Variants in OPCML observed in about 807,000 individuals in gnomAD.
The protein encoded by OPCML is opioid-binding protein/cell adhesion molecule.
In OPCML, 13 loss-of-function variants were observed where a neutral mutation model predicts 37.8. The ratio of observed to expected loss-of-function variants is 0.34; its 90% CI spans 0.22 to 0.55. The LOEUF is 0.55. OPCML is among the 20% of genes least tolerant of loss of function. The pLI is 0.91. For missense variants in OPCML, 341 were observed against 435.6 expected (o/e 0.78, Z 1.93); for synonymous variants, 176 against 168.8 (o/e 1.04, Z -0.33).
At chr11:132,999,133 C>T (rs905912243) in intron 1 of OPCML, among the ~76,000 whole-genome samples, 1 of 152,138 alleles carries the variant, frequency 6.6e-6, no homozygotes, top group African/African-American at 2.4e-5. Flanking sequence ...AGTTCCTGCT[C>T]CCAGCAGTCC....
chr11:133,249,866 T>C (rs1284391390), intron 1 of OPCML, among the ~76,000 whole-genome samples: 2 of 152,170 alleles, frequency 1.3e-5, no homozygotes, highest in African/African-American at 4.8e-5. Context: ...TGAGCACATC[T>C]TGTCAGAAGC....
At chr11:133,524,012 G>T (rs193300936) in intron 1 of OPCML, among the ~76,000 whole-genome samples, 90 of 152,278 alleles carry the variant, frequency 5.9e-4, no homozygotes, top group Non-Finnish European at 8.2e-4. Context: ...TTTGTTTGAC[G>T]CATGTCTGTC....
chr11:132,930,809 T>C (rs1945173861), intron 2 of OPCML, among the ~76,000 whole-genome samples: 2 of 152,062 alleles, frequency 1.3e-5, no homozygotes, highest in Admixed American at 1.3e-4. Flanking sequence ...AATAGAAAAA[T>C]CAATCCTAAA....
At chr11:133,392,940 T>C (rs1266135731) in intron 1 of OPCML, among the ~76,000 whole-genome samples, 1 of 152,134 alleles carries the variant, frequency 6.6e-6, no homozygotes, top group African/African-American at 2.4e-5. Context: ...ATTTGAGTCA[T>C]CCCAATCTCA....
chr11:132,484,890 G>T (rs1156299300), intron 4 of OPCML, among the ~76,000 whole-genome samples: 1 of 152,178 alleles, frequency 6.6e-6, no homozygotes, highest in East Asian at 1.9e-4. Context: ...GACACAGGAA[G>T]GGGAACATCA....
chr11:132,743,724 G>C (rs1945514227), intron 2 of OPCML, among the ~76,000 whole-genome samples: 1 of 152,148 alleles, frequency 6.6e-6, no homozygotes, highest in Admixed American at 6.5e-5. Context: ...CCTCAGAACA[G>C]GGGGATGTCT....
At chr11:132,672,850 T>C (rs1236547341) in intron 2 of OPCML, among the ~76,000 whole-genome samples, 1 of 152,156 alleles carries the variant, frequency 6.6e-6, no homozygotes, top group Non-Finnish European at 1.5e-5. Context: ...CATTTGTCCA[T>C]GCTTAGGGGC....
intron 1 of OPCML, among the ~76,000 whole-genome samples, chr11:133,022,782 CAA>C (rs1281537910): frequency 8.5e-5 from 13 of 152,234 alleles, no homozygotes; most frequent in African/African-American, 2.6e-4. Flanking sequence ...CGATAAGTGG[CAA>C]AGAGACCTAA....
intron 4 of OPCML, among the ~76,000 whole-genome samples, chr11:132,449,929 G>A (rs1416937226): frequency 6.6e-6 from 1 of 152,180 alleles, no homozygotes; most frequent in Non-Finnish European, 1.5e-5. Flanking sequence ...TCCTTGGACA[G>A]CACTCGACAT....
chr11:132,910,739 A>C (rs1944401592), intron 2 of OPCML, among the ~76,000 whole-genome samples: 1 of 152,238 alleles, frequency 6.6e-6, no homozygotes, highest in South Asian at 2.1e-4. Context: ...CACATAGAAG[A>C]TAAAGCTCAT....
intron 1 of OPCML, among the ~76,000 whole-genome samples, chr11:133,176,312 G>A (rs1950372158): frequency 6.6e-6 from 1 of 150,880 alleles, no homozygotes; most frequent in Non-Finnish European, 1.5e-5. Context: ...CAGGAAAAGA[G>A]AGCAATGCAG....
chr11:133,134,119 C>A (rs555900169), intron 1 of OPCML, among the ~76,000 whole-genome samples: 1 of 152,102 alleles, frequency 6.6e-6, no homozygotes, highest in South Asian at 2.1e-4. Flanking sequence ...GAGCTGCCTG[C>A]AAGCTTGTGT....
At position 132,782,636 on chromosome 11, in the gene OPCML, C is replaced by A. The variant is rs149956753; in HGVS notation, c.147-125317G>T. On this transcript the variant is annotated intron_variant, in intron 2 of 7. Coordinates refer to ENST00000524381, the MANE Select transcript of OPCML (RefSeq NM_001012393.5). ...AATATAAATGACTTGCCAATTCTGC[C>A]CCAACTTCTCAGAAGAATAAAAACT... 3.2e-4 allele frequency among the ~76,000 whole-genome samples: 48 copies of A among 151,914 alleles called. 1 individual carries two copies. In the East Asian group the frequency reaches 9.1e-3, roughly 29 times the overall value.
intron 1 of OPCML, among the ~76,000 whole-genome samples, chr11:133,130,301 A>G (rs1396594278): frequency 2.6e-5 from 4 of 152,166 alleles, no homozygotes; most frequent in Non-Finnish European, 5.9e-5. Context: ...AACATTAATG[A>G]TCTGTGAGAT....
intron 1 of OPCML, among the ~76,000 whole-genome samples, chr11:133,334,123 C>G (rs1408826133): frequency 6.6e-6 from 1 of 152,140 alleles, no homozygotes; most frequent in Non-Finnish European, 1.5e-5. Context: ...ACCATTCAAC[C>G]CAGCAATCCC....
At position 132,646,223 on chromosome 11, in the gene OPCML, A is replaced by G. The variant is rs187866618; in HGVS notation, c.379+10864T>C. Among the ~76,000 whole-genome samples the G allele has an allele frequency of 3.6e-3, 543 of 152,320 alleles. 5 individuals are homozygous for G. The highest frequency in any genetic ancestry group is 0.013 in the African/African-American group (524 of 41,570). On this transcript the variant is annotated intron_variant, in intron 3 of 7. Transcript: ENST00000524381. The stretch of plus-strand genomic sequence containing the variant: ...ACACCACCTGTTCTCACAACTCACC[A>G]CTAAACAACTTACTCATGTAACCAA...
At chr11:132,684,529 T>A (rs563405838) in intron 2 of OPCML, among the ~76,000 whole-genome samples, 19 of 152,358 alleles carry the variant, frequency 1.2e-4, no homozygotes, top group East Asian at 1.2e-3. Context: ...TAAATTCCTT[T>A]GTTGGCTTTT....
chr11:133,305,675 C>T (rs777960218), intron 1 of OPCML, among the ~76,000 whole-genome samples: 21 of 152,184 alleles, frequency 1.4e-4, no homozygotes, highest in Non-Finnish European at 3.1e-4. Context: ...TGTAGACCAG[C>T]ATCTGCTCTC....
intron 1 of OPCML, among the ~76,000 whole-genome samples, chr11:132,962,342 A>G (rs1946111544): frequency 6.6e-6 from 1 of 152,194 alleles, no homozygotes; most frequent in Admixed American, 6.5e-5. Context: ...CTCCCCCATC[A>G]TGATGAAGAC....
Sources: gnomAD v4.1 joint callset for allele counts (sites outside exome capture counted in the v4.1 genomes callset) on GRCh38, gnomAD v4.1.1 for gene constraint, MANE v1.5 for transcripts, NCBI Gene and HGNC (gene_info 2026-07-23, HGNC 2026-07-21) for gene names.